COL4A1: variants seen among roughly 807,000 people sequenced by gnomAD.
COL4A1 encodes collagen type IV alpha 1 chain.
In COL4A1, 40 loss-of-function variants were observed where a neutral mutation model predicts 216.6. That is an observed-to-expected ratio of 0.18 (90% CI 0.14 to 0.24). The LOEUF is 0.24. Ranked by LOEUF, COL4A1 falls within the 10% of genes least tolerant of loss-of-function variation. The pLI is 1.00. For missense variants in COL4A1, 1,628 were observed against 2,196.8 expected, an observed-to-expected ratio of 0.74 and a Z score of 5.18; for synonymous variants, 839 against 810.7, an observed-to-expected ratio of 1.03 and a Z score of -0.59.
chr13:110,234,878 A>G (rs898478307), intron 2 of COL4A1, among the ~76,000 whole-genome samples: 1 of 152,232 alleles, frequency 6.6e-6, no homozygotes, highest in Non-Finnish European at 1.5e-5. Flanking sequence ...AGGAATATTC[A>G]AAACATGTAT....
chr13:110,220,498 T>A (rs1235780627), intron 2 of COL4A1, among the ~76,000 whole-genome samples: 2 of 152,200 alleles, frequency 1.3e-5, no homozygotes, highest in Non-Finnish European at 2.9e-5. Flanking sequence ...CGCACAATGC[T>A]AGCCCAGGAA....
Position 110,150,274 on chromosome 13 carries a change from TAC to T in COL4A1, c.*87_*88del. On this transcript the variant is annotated 3_prime_UTR_variant, in exon 52 of 52. Transcript: ENST00000375820. The stretch of plus-strand genomic sequence containing the variant: ...ACGGTTTTCATATTGGACAGTGAGG[TAC>T]ACAGGATATATTTCTAGGGTTCGTT... 2.4e-6 allele frequency: 3 copies of T among 1,235,426 alleles called. No individual in the cohort carries two copies. In the Admixed American group the frequency reaches 5.9e-5, roughly 24 times the overall value. 76.5% of individuals were successfully genotyped at this position (1,235,426 alleles called of 1,614,324 possible).
intron 1 of COL4A1, among the ~76,000 whole-genome samples, chr13:110,258,345 C>G (rs1401411754): frequency 6.6e-6 from 1 of 152,172 alleles, no homozygotes; most frequent in Non-Finnish European, 1.5e-5. Context: ...CGAGACCAGC[C>G]TGGCCAATAT....
chr13:110,289,604 G>A (rs1884001107), intron 1 of COL4A1, among the ~76,000 whole-genome samples: 1 of 152,186 alleles, frequency 6.6e-6, no homozygotes. Context: ...GCCCTTGCAG[G>A]TTCGTCCTTC....
chr13:110,286,027 G>C (rs78433414), intron 1 of COL4A1, among the ~76,000 whole-genome samples: 1 of 152,186 alleles, frequency 6.6e-6, no homozygotes, highest in Non-Finnish European at 1.5e-5. Context: ...ATAGTGCAGA[G>C]GGCAAAGGTG....
At chr13:110,271,431 T>G (rs901130524) in intron 1 of COL4A1, among the ~76,000 whole-genome samples, 10 of 152,114 alleles carry the variant, frequency 6.6e-5, no homozygotes, top group African/African-American at 2.4e-4. Context: ...CATCAGGCAT[T>G]GGGGAAACTG....
At chr13:110,210,800 A>G (rs760390803) in intron 8 of COL4A1, among the ~76,000 whole-genome samples, 11 of 152,146 alleles carry the variant, frequency 7.2e-5, no homozygotes, top group Non-Finnish European at 1.5e-4. Context: ...AAGGTCTTAC[A>G]GGATAAAAGA....
Position 110,174,690 on chromosome 13 carries a change from G to C in COL4A1, c.3258C>G (p.Ser1086Arg). ...GSPGEKGEKG[S>R]IGIPGMPGSP... ...ACCCTGGCATTCCTGGGATCCCAAT[G>C]CTTCCTTTTTCTCCCTTCTCTCCAG... is the stretch of plus-strand genomic sequence containing the variant. Residue 1086 changes from serine (S) to arginine (R), a missense_variant, in exon 38 of 52, where the codon AGC becomes AGG. Coordinates refer to ENST00000375820, the MANE Select transcript of COL4A1 (RefSeq NM_001845.6). 6.2e-7 allele frequency: 1 copy of C among 1,613,656 alleles called. No individual in the cohort carries two copies. Among genetic ancestry groups the C allele is most frequent in the Non-Finnish European group, 8.5e-7 (1 of 1,179,594 alleles).
chr13:110,150,412 TC>T lies in COL4A1; in HGVS notation c.4960del (p.Glu1654SerfsTer13). On this transcript the variant is annotated frameshift_variant, in exon 52 of 52. Transcript: ENST00000375820. LOFTEE classifies it high-confidence loss of function. ...GCAGCGGCTGACGTGCGTGCGCAGCTCCCCTGCCTTCAAGGTGGACGGCGTA... is the reference window on the plus strand; with the variant it reads ...GCAGCGGCTGACGTGCGTGCGCAGCTCCCTGCCTTCAAGGTGGACGGCGTA... ...KPTPSTLKAG[E>X]LRTHVSRCQV... 1 of 1,614,000 alleles carries T rather than the reference TC, an allele frequency of 6.2e-7. No individual in the cohort carries two copies. Among genetic ancestry groups the T allele is most frequent in the Non-Finnish European group, 8.5e-7 (1 of 1,180,016 alleles).
chr13:110,170,610 G>C lies in COL4A1; in HGVS notation c.3679C>G (p.Pro1227Ala). 2 of 1,611,898 alleles carry C rather than the reference G, an allele frequency of 1.2e-6. No homozygotes were observed. The highest frequency in any genetic ancestry group is 1.7e-6 in the Non-Finnish European group (2 of 1,179,024). ...PQGQPGLPGSPGHATEGPKGD... is the reference protein window; with the variant it reads ...PQGQPGLPGSAGHATEGPKGD... ...TTGGGCCCCTCCGTGGCATGGCCTGGGGATCCCGGTAACCCCGGCTGTCCC... is the reference window on the plus strand; with the variant it reads ...TTGGGCCCCTCCGTGGCATGGCCTGCGGATCCCGGTAACCCCGGCTGTCCC... Residue 1227 changes from proline to alanine, a missense_variant, in exon 42 of 52, where the codon CCA becomes GCA. Physicochemically the swap from Pro to Ala is conservative, Grantham distance 27. This residue lies in a region of COL4A1 where 345 missense variants were observed against 476.9 expected (regional missense o/e 0.72). Transcript: ENST00000375820.
chr13:110,211,842 G>C lies in COL4A1; in HGVS notation c.441+27C>G, dbSNP rs765096288. On this transcript the variant is annotated intron_variant, in intron 7 of 51. Transcript: ENST00000375820. The surrounding 1 kb of genome is among the most constrained non-coding windows in gnomAD (Gnocchi z 4.3). Reference sequence around the variant, plus strand: ...GAGAAGTCATAACTAAAAGAAAGAAGTTCTGCCCTAAATAACCTCTACTCA... The same window carrying C: ...GAGAAGTCATAACTAAAAGAAAGAACTTCTGCCCTAAATAACCTCTACTCA... 6.2e-7 allele frequency: 1 copy of C among 1,613,352 alleles called. No individual in the cohort carries two copies. The highest frequency in any genetic ancestry group is 8.5e-7 in the Non-Finnish European group (1 of 1,179,358).
chr13:110,306,206 C>T (rs561111241), intron 1 of COL4A1, among the ~76,000 whole-genome samples: 2 of 152,248 alleles, frequency 1.3e-5, no homozygotes, highest in South Asian at 4.2e-4. Flanking sequence ...GAAATGAAAA[C>T]TAGAAAAACA....
At position 110,231,461 on chromosome 13, in the gene COL4A1, G is replaced by C. The variant is rs147016882; in HGVS notation, c.144+11214C>G. 2.0e-5 allele frequency among the ~76,000 whole-genome samples: 3 copies of C among 152,226 alleles called. No individual in the cohort carries two copies. In the South Asian group the frequency reaches 6.2e-4, roughly 32 times the overall value. On this transcript the variant is annotated intron_variant, in intron 2 of 51. Transcript: ENST00000375820. The stretch of plus-strand genomic sequence containing the variant: ...GAGCTTTTGGGGCCTGCGAATGACC[G>C]TTCGGTTTGCCCTTCCCTGCCCCCT...
intron 1 of COL4A1, among the ~76,000 whole-genome samples, chr13:110,294,687 C>G (rs1318933211): frequency 6.6e-6 from 1 of 152,188 alleles, no homozygotes; most frequent in African/African-American, 2.4e-5. Context: ...ACTATTTTAA[C>G]AAAGTTGAAT....
Position 110,183,252 on chromosome 13 carries a change from A to G in COL4A1, c.1922T>C (p.Ile641Thr), listed in dbSNP as rs1594557466. The change falls in exon 27 of 52, where the codon ATT becomes ACT. Residue 641 changes from isoleucine (I) to threonine (T), a missense_variant. Coordinates refer to ENST00000375820, the MANE Select transcript of COL4A1 (RefSeq NM_001845.6). ...LPGPKGEPGK[I>T]VPLPGPPGAE... Reference sequence around the variant, plus strand: ...TCCAGGGGGGCCTGGTAAAGGAACAATTTTTCCTGGTTCACCCTTTGGACC... The same window carrying G: ...TCCAGGGGGGCCTGGTAAAGGAACAGTTTTTCCTGGTTCACCCTTTGGACC... 2.5e-6 allele frequency: 4 copies of G among 1,613,458 alleles called. No homozygotes were observed. Among genetic ancestry groups the G allele is most frequent in the South Asian group, 1.1e-5 (1 of 90,994 alleles).
intron 22 of COL4A1, among the ~76,000 whole-genome samples, chr13:110,194,201 C>G (rs1207445058): frequency 6.6e-6 from 1 of 152,194 alleles, no homozygotes; most frequent in African/African-American, 2.4e-5. Context: ...ATTTCAGGTC[C>G]TGCAGTGTAT....
rs546757821 is a variant in COL4A1 at position 110,255,474 on chromosome 13, T to A, written c.85-12740A>T. Among the ~76,000 whole-genome samples, 106 of 138,568 alleles carry A rather than the reference T, an allele frequency of 7.6e-4. 1 individual carries two copies. The highest frequency in any genetic ancestry group is 2.8e-3 in the African/African-American group (102 of 36,128). The allele number at this position is 138,568 out of a possible 152,430, so 90.9% of individuals were successfully genotyped here. A position where few individuals can be genotyped will look rare whatever the true frequency, so the allele number is the denominator to read the frequency against. On this transcript the variant is annotated intron_variant, in intron 1 of 51. Coordinates refer to ENST00000375820, the MANE Select transcript of COL4A1 (RefSeq NM_001845.6). ...TGGCTCAAGGACCAATTCAGTGTCA[T>A]GAGGGGAAGACAGGAGGTTTCCCAA... is the stretch of plus-strand genomic sequence containing the variant.
intron 42 of COL4A1, among the ~76,000 whole-genome samples, chr13:110,170,203 G>A (rs536700300): frequency 6.6e-6 from 1 of 152,174 alleles, no homozygotes; most frequent in Non-Finnish European, 1.5e-5. Flanking sequence ...GCGGTCAGTG[G>A]TGCCCGGGCA....
chr13:110,218,551 T>A (rs1277206965), intron 2 of COL4A1, among the ~76,000 whole-genome samples: 2 of 152,228 alleles, frequency 1.3e-5, no homozygotes, highest in African/African-American at 4.8e-5. Context: ...GGTGTTTGAA[T>A]TCAATAAAAT....
Sources: gnomAD v4.1 joint callset for allele counts (sites outside exome capture counted in the v4.1 genomes callset) on GRCh38, gnomAD v4.1.1 for gene constraint, gnomAD v4.1.1 regional missense constraint, Gnocchi (gnomAD v3.1) non-coding constraint, MANE v1.5 for transcripts, NCBI Gene and HGNC (gene_info 2026-07-23, HGNC 2026-07-21) for gene names.